SATB2: variants seen among roughly 807,000 people sequenced by gnomAD.
The protein encoded by SATB2 is DNA-binding protein SATB2.
SATB2 carries 1 observed loss-of-function variant against 73.4 expected under a neutral mutation model. That is an observed-to-expected ratio of 0.01 (90% CI 0.00 to 0.06). The LOEUF (loss-of-function observed/expected upper bound fraction) is 0.06, where lower values mean the gene tolerates loss of function less well. Among genes scored for constraint, SATB2 ranks in the 10% least tolerant of loss-of-function variants. The pLI is 1.00. For missense variants in SATB2, 459 were observed against 945.8 expected, an observed-to-expected ratio of 0.49 and a Z score of 6.75; for synonymous variants, 397 against 367.0, an observed-to-expected ratio of 1.08 and a Z score of -0.93.
chr2:199,386,710 GCGCGCGCACACACACACACACACACACA>G (rs1215390805), intron 3 of SATB2, among the ~76,000 whole-genome samples: 25 of 90,568 alleles, frequency 2.8e-4, no homozygotes, highest in African/African-American at 6.4e-4. Context: ...GCGCGCGCGC[GCGCGCGCACACACACACACACACACACA>G]CACACACACA....
chr2:199,399,606 C>A (rs1690409780), intron 3 of SATB2, among the ~76,000 whole-genome samples: 1 of 152,124 alleles, frequency 6.6e-6, no homozygotes, highest in South Asian at 2.1e-4. Context: ...ACAGACTGTA[C>A]AGGAAGAAGC....
intron 7 of SATB2, among the ~76,000 whole-genome samples, chr2:199,330,479 T>C (rs1279371260): frequency 1.3e-5 from 2 of 152,202 alleles, no homozygotes; most frequent in Non-Finnish European, 2.9e-5. Flanking sequence ...TGTCTGTGTG[T>C]GTGCATGCAT....
At chr2:199,391,115 T>C (rs774035473) in intron 3 of SATB2, among the ~76,000 whole-genome samples, 1 of 152,166 alleles carries the variant, frequency 6.6e-6, no homozygotes, top group Non-Finnish European at 1.5e-5. Flanking sequence ...CAACTGCTTT[T>C]GGTTTGAAGA....
At chr2:199,323,730 G>T in intron 9 of SATB2, 73 bp downstream of exon 9, 1 of 1,387,010 alleles carries the variant, frequency 7.2e-7, no homozygotes, top group Non-Finnish European at 1.0e-6. Flanking sequence ...AGGAACAGAT[G>T]TATTTTTATT....
intron 9 of SATB2, among the ~76,000 whole-genome samples, chr2:199,310,068 C>T (rs1260854830): frequency 6.6e-6 from 1 of 152,210 alleles, no homozygotes; most frequent in Non-Finnish European, 1.5e-5. Context: ...GACAGCAACA[C>T]CAGCTGTTCT....
intron 1 of SATB2, among the ~76,000 whole-genome samples, chr2:199,456,975 T>TTG (rs1553507537): frequency 8.1e-6 from 1 of 123,786 alleles, no homozygotes; most frequent in Non-Finnish European, 1.7e-5. Context: ...ATTGGGGGGG[T>TTG]GGGGGGGGGC....
intron 2 of SATB2, among the ~76,000 whole-genome samples, chr2:199,436,843 AAG>A (rs36011191): frequency 8.4e-4 from 125 of 148,394 alleles, no homozygotes; most frequent in Non-Finnish European, 8.1e-4. Context: ...TATGCCAAGA[AAG>A]AGAGAGAGAG....
At chr2:199,290,025 A>G (rs1692806735) in intron 10 of SATB2, among the ~76,000 whole-genome samples, 1 of 152,156 alleles carries the variant, frequency 6.6e-6, no homozygotes. Flanking sequence ...TCTTCTGTGT[A>G]CAAGAAGGCC....
intron 7 of SATB2, among the ~76,000 whole-genome samples, chr2:199,346,115 C>T (rs956438786): frequency 1.3e-5 from 2 of 151,900 alleles, no homozygotes; most frequent in East Asian, 3.9e-4. Flanking sequence ...GTAAGAAAAT[C>T]CCAACCATTA....
Position 199,437,166 on chromosome 2 carries a change from A to C in SATB2, c.170-3652T>G, listed in dbSNP as rs1691677970. ...TGTAGCACAGACCCATTTTCAGATGATCTAGTAGAGAACTTTGAACCTTCT... is the reference window on the plus strand; with the variant it reads ...TGTAGCACAGACCCATTTTCAGATGCTCTAGTAGAGAACTTTGAACCTTCT... On this transcript the variant is annotated intron_variant, in intron 2 of 10. Coordinates refer to ENST00000417098, the MANE Select transcript of SATB2 (RefSeq NM_001172509.2). 3.3e-5 allele frequency among the ~76,000 whole-genome samples: 5 copies of C among 152,310 alleles called. No homozygotes were observed. The South Asian group carries it at 1.0e-3, about 32-fold the overall frequency.
intron 3 of SATB2, among the ~76,000 whole-genome samples, chr2:199,384,066 G>C (rs1229600339): frequency 6.6e-6 from 1 of 152,108 alleles, no homozygotes; most frequent in Non-Finnish European, 1.5e-5. Flanking sequence ...AGGGGAGGGA[G>C]AGAAATCTCT....
At chr2:199,337,436 A>G (rs1238650304) in intron 7 of SATB2, among the ~76,000 whole-genome samples, 2 of 152,204 alleles carry the variant, frequency 1.3e-5, no homozygotes, top group Non-Finnish European at 2.9e-5. Flanking sequence ...CTAACTTTCT[A>G]TTATGAATTG....
At chr2:199,354,831 C>T (rs1224280134) in intron 6 of SATB2, among the ~76,000 whole-genome samples, 1 of 152,072 alleles carries the variant, frequency 6.6e-6, no homozygotes, top group Admixed American at 6.6e-5. Context: ...GTAGGTAGGG[C>T]CTTTGTAGCC....
intron 2 of SATB2, among the ~76,000 whole-genome samples, chr2:199,442,878 G>A (rs1281461155): frequency 6.6e-6 from 1 of 152,054 alleles, no homozygotes; most frequent in Non-Finnish European, 1.5e-5. Context: ...AATTCTTCAG[G>A]TTCTTTTTAC....
intron 9 of SATB2, among the ~76,000 whole-genome samples, chr2:199,321,069 C>A (rs1687869903): frequency 1.9e-5 from 1 of 52,770 alleles, no homozygotes; most frequent in African/African-American, 4.9e-5. Context: ...TAAGATCCCT[C>A]CAAAGAAAAA....
intron 9 of SATB2, among the ~76,000 whole-genome samples, chr2:199,310,187 C>G (rs1218618563): frequency 6.6e-6 from 1 of 152,204 alleles, no homozygotes; most frequent in Non-Finnish European, 1.5e-5. Flanking sequence ...CCAGGCCCAT[C>G]TGCAGCAGCT....
intron 3 of SATB2, among the ~76,000 whole-genome samples, chr2:199,417,781 C>G (rs1437476434): frequency 6.6e-6 from 1 of 152,096 alleles, no homozygotes; most frequent in African/African-American, 2.4e-5. Context: ...TATTTAAGTA[C>G]TCTGAAGAAA....
intron 8 of SATB2, among the ~76,000 whole-genome samples, chr2:199,327,584 G>C (rs1325953248): frequency 6.6e-6 from 1 of 152,124 alleles, no homozygotes; most frequent in Non-Finnish European, 1.5e-5. Context: ...GGGGAAATAG[G>C]GGATAGGCCA....
At chr2:199,386,716 G>GCACA (rs61568459) in intron 3 of SATB2, among the ~76,000 whole-genome samples, 12 of 9,216 alleles carry the variant, frequency 1.3e-3, no homozygotes, top group Admixed American at 1.9e-3. Context: ...GCGCGCGCGC[G>GCACA]CACACACACA....
Sources: allele counts gnomAD v4.1 joint callset (sites outside exome capture counted in the v4.1 genomes callset), GRCh38; gene constraint gnomAD v4.1.1; transcripts MANE v1.5; gene names NCBI Gene and HGNC (gene_info 2026-07-23, HGNC 2026-07-21).